TNC: variants seen among roughly 807,000 people sequenced by gnomAD.
TNC encodes the protein tenascin.
In TNC, 109 loss-of-function variants were observed where a neutral mutation model predicts 202.4. The observed-to-expected ratio is 0.54, with a 90% CI of 0.46 to 0.63. The LOEUF (loss-of-function observed/expected upper bound fraction) is 0.63, where lower values mean the gene tolerates loss of function less well. TNC is among the 30% of genes least tolerant of loss of function. TNC has a pLI of 0.00. For synonymous variants in TNC, 1,007 were observed against 1,089.7 expected, an observed-to-expected ratio of 0.92 and a Z score of 1.50; for missense variants, 2,756 against 2,833.3, an observed-to-expected ratio of 0.97 and a Z score of 0.62.
rs373540158 is a variant in TNC, at chr9:115,026,655, G to A, written c.6210C>T (p.Tyr2070=). The A allele has an allele frequency of 1.1e-4, 182 of 1,613,790 alleles. No homozygotes were observed. The highest frequency in any genetic ancestry group is 1.3e-4 in the Non-Finnish European group (159 of 1,179,972). The part of the protein sequence containing the change: ...NLNKITAQGQ[Y]ELRVDLRDHG... ...GGTCCCGCAGGTCCACCCGGAGCTC[G>A]TACTGCCCCTGGGCTGTGATTTTGT... Residue 2070 remains tyrosine (Y), a synonymous_variant, in exon 26 of 28, where the codon TAC becomes TAT. Coordinates refer to ENST00000350763, the MANE Select transcript of TNC (RefSeq NM_002160.4).
intron 20 of TNC, 137 bp downstream of exon 20, chr9:115,038,124 A>G: frequency 8.6e-7 from 1 of 1,163,788 alleles, no homozygotes; most frequent in Non-Finnish European, 1.2e-6. Context: ...AGCCACATGA[A>G]CATTACTGGC....
intron 6 of TNC, among the ~76,000 whole-genome samples, chr9:115,080,252 T>G (rs1274343847): frequency 6.6e-6 from 1 of 152,136 alleles, no homozygotes; most frequent in Non-Finnish European, 1.5e-5. Flanking sequence ...AAAAAAAAAG[T>G]TCAGTGCACC....
At chr9:115,030,046 C>G (rs556470937) in intron 24 of TNC, among the ~76,000 whole-genome samples, 1 of 152,162 alleles carries the variant, frequency 6.6e-6, no homozygotes, top group Non-Finnish European at 1.5e-5. Flanking sequence ...CTTATCTCCC[C>G]GTTTCAAAAA....
At chr9:115,055,701 C>T (rs1832063247) in intron 15 of TNC, 1 of 152,298 alleles carries the variant, frequency 6.6e-6, no homozygotes, top group Non-Finnish European at 1.5e-5. Context: ...GACACACTGC[C>T]CCAGGTCATG....
intron 15 of TNC, 41 bp downstream of exon 15, chr9:115,057,112 T>C (rs1176257749): frequency 6.4e-7 from 1 of 1,573,462 alleles, no homozygotes; most frequent in Non-Finnish European, 8.6e-7. Flanking sequence ...CAAAGAAGAC[T>C]GTGGAGAGAG....
Position 115,046,659 on chromosome 9 carries a change from G to T in TNC, c.4876C>A (p.Leu1626Ile). 6.2e-7 allele frequency: 1 copy of T among 1,613,360 alleles called. No individual in the cohort carries two copies. Among genetic ancestry groups the T allele is most frequent in the Non-Finnish European group, 8.5e-7 (1 of 1,179,844 alleles). The change falls in exon 17 of 28, where the codon CTT (leucine) becomes ATT (isoleucine). Residue 1626 changes from leucine (L) to isoleucine (I), a missense_variant. Transcript: ENST00000350763. ...VTEAEPEVDN[L>I]LVSDATPDGF... ...TCTGGGGTGGCATCTGAAACCAGAA[G>T]GTTGTCAACTTCCGGTTCGGCTTCT...
chr9:115,032,124 T>C (rs1829996802), intron 22 of TNC, among the ~76,000 whole-genome samples: 1 of 151,974 alleles, frequency 6.6e-6, no homozygotes, highest in Non-Finnish European at 1.5e-5. Context: ...TGAAGGGGGT[T>C]TTTTTTTGGA....
Position 115,057,445 on chromosome 9 carries a change from G to A in TNC, c.4307-20C>T. 1 of 1,564,426 alleles carries A rather than the reference G, an allele frequency of 6.4e-7. No individual in the cohort carries two copies. Among genetic ancestry groups the A allele is most frequent in the East Asian group, 2.2e-5 (1 of 44,520 alleles). On this transcript the variant is annotated intron_variant, in intron 14 of 27. Transcript: ENST00000350763. ...CTTTGGCTGTAAAAGGAAGGGGTAG[G>A]GGAGAAGAAAAAAATAAATTTGAGT...
chr9:115,045,916 A>G (rs554153789), intron 17 of TNC, among the ~76,000 whole-genome samples: 20 of 152,128 alleles, frequency 1.3e-4, no homozygotes, highest in Non-Finnish European at 2.5e-4. Context: ...ATGTGTATAG[A>G]TAGACGTGCT....
At position 115,048,418 on chromosome 9, in the gene TNC, T is replaced by C. The variant is rs76656948; in HGVS notation, c.4694A>G (p.Asp1565Gly). Residue 1565 changes from aspartate to glycine, a missense_variant, in exon 16 of 28, where the codon GAT becomes GGT. This residue lies in a region of TNC where 2,559 missense variants were observed against 2,546.0 expected (regional missense o/e 1.01). Transcript: ENST00000350763. ...CTGGGGGTCCAGCAGCTTCCCAGAATCCACCACCGTTACTAGAAAGCTGTC... is the reference window on the plus strand; with the variant it reads ...CTGGGGGTCCAGCAGCTTCCCAGAACCCACCACCGTTACTAGAAAGCTGTC... ...AFDSFLVTVV[D>G]SGKLLDPQEF... 6.2e-7 allele frequency: 1 copy of C among 1,613,992 alleles called. No homozygotes were observed. Among genetic ancestry groups the C allele is most frequent in the Non-Finnish European group, 8.5e-7 (1 of 1,179,958 alleles).
rs763699247 is a variant in TNC at position 115,057,331 on chromosome 9, G to T, written c.4401C>A (p.Thr1467=). ...TGGAATCAATAATTTCAATGGTAAA[G>T]GTCTCGAAGATCCCATCGGTAGCCA... ...SWMATDGIFE[T]FTIEIIDSNR... The change falls in exon 15 of 28, where the codon ACC becomes ACA. Residue 1467 remains threonine, a synonymous_variant. Coordinates refer to ENST00000350763, the MANE Select transcript of TNC (RefSeq NM_002160.4). The T allele has an allele frequency of 3.1e-6, 5 of 1,614,048 alleles. No individual in the cohort carries two copies. The highest frequency in any genetic ancestry group is 1.3e-5 in the African/African-American group (1 of 74,914).
chr9:115,082,459 G>T (rs1834375459), intron 5 of TNC, among the ~76,000 whole-genome samples: 8 of 152,156 alleles, frequency 5.3e-5, no homozygotes, highest in Admixed American at 5.2e-4. Context: ...GGAACCTTGA[G>T]GTGACAACTT....
chr9:115,080,881 C>T (rs1232963163), intron 6 of TNC, among the ~76,000 whole-genome samples: 1 of 147,274 alleles, frequency 6.8e-6, no homozygotes, highest in Non-Finnish European at 1.5e-5. Flanking sequence ...CACTGCACTC[C>T]AGCCTGGGTG....
rs149285218 is a variant in TNC at position 115,086,299 on chromosome 9, C to T, written c.1432G>A (p.Gly478Ser). The change falls in exon 3 of 28, where the codon GGC becomes AGC. Residue 478 changes from glycine to serine, a missense_variant. Physicochemically the swap from Gly to Ser is moderately conservative, Grantham distance 56. Around this residue, in one of 2 missense-constraint regions of TNC, gnomAD observed 2,559 missense variants for 2,546.0 expected, o/e 1.01. Coordinates refer to ENST00000350763, the MANE Select transcript of TNC (RefSeq NM_002160.4). ...ACACACATGCCATTCACACAGCGGC[C>T]GTGCTGGTGACAGTCATTAGGGCAG... ...MSCPNDCHQH[G>S]RCVNGMCVCD... is the part of the protein sequence containing the mutation. 1.1e-5 allele frequency: 17 copies of T among 1,614,216 alleles called. No individual in the cohort carries two copies. Among genetic ancestry groups the T allele is most frequent in the African/African-American group, 8.0e-5 (6 of 75,058 alleles).
intron 13 of TNC, among the ~76,000 whole-genome samples, chr9:115,061,057 T>A (rs1235636839): frequency 1.3e-5 from 2 of 152,190 alleles, no homozygotes. Flanking sequence ...CCCATTGTTT[T>A]GTGGGATGCT....
chr9:115,044,263 A>T (rs62717560), intron 17 of TNC, among the ~76,000 whole-genome samples: 1 of 63,314 alleles, frequency 1.6e-5, no homozygotes, highest in East Asian at 4.3e-4. Context: ...AGAAAGGATT[A>T]AAAAAAAAAA....
chr9:115,077,767 T>G (rs985904397), intron 7 of TNC, among the ~76,000 whole-genome samples, 176 bp downstream of exon 7: 3 of 152,212 alleles, frequency 2.0e-5, no homozygotes, highest in Non-Finnish European at 4.4e-5. Context: ...ATTTGGAATT[T>G]TTTTTGAAAA....
At chr9:115,073,541 T>C in intron 10 of TNC, 62 bp downstream of exon 10, 1 of 1,565,512 alleles carries the variant, frequency 6.4e-7, no homozygotes. Flanking sequence ...ACACCCTGGC[T>C]GAGGAGATCT....
rs568542481 is a variant in TNC, at chr9:115,059,034, A to G, written c.4306+696T>C. ...AGTTCTTTGACATTCATAGCCCAGG[A>G]CATTCCTTGTTCCAAAAGCTGCTGT... On this transcript the variant is annotated intron_variant, in intron 14 of 27. Transcript: ENST00000350763. Among the ~76,000 whole-genome samples, 4 of 152,346 alleles carry G rather than the reference A, an allele frequency of 2.6e-5. No homozygotes were observed. In the South Asian group the frequency reaches 8.3e-4, roughly 32 times the overall value.
Sources: allele counts gnomAD v4.1 joint callset (sites outside exome capture counted in the v4.1 genomes callset), GRCh38; gene constraint gnomAD v4.1.1; regional missense constraint gnomAD v4.1.1; transcripts MANE v1.5; gene names NCBI Gene and HGNC (gene_info 2026-07-23, HGNC 2026-07-21).